Variants in SYT13 observed in about 807,000 individuals in gnomAD.
SYT13 encodes synaptotagmin-13.
In SYT13, 21 loss-of-function variants were observed where a neutral mutation model predicts 38.6. That is an observed-to-expected ratio of 0.54 (90% CI 0.39 to 0.78). SYT13 has a LOEUF of 0.78. Among genes scored for constraint, SYT13 ranks in the 30% least tolerant of loss-of-function variants. SYT13 has a pLI of 0.00. For missense variants in SYT13, 495 were observed against 548.7 expected (o/e 0.90, Z 0.98); for synonymous variants, 241 against 237.6 (o/e 1.01, Z -0.13).
chr11:45,254,323 T>A lies in SYT13; in HGVS notation c.491A>T (p.Tyr164Phe), dbSNP rs1698064842. The A allele has an allele frequency of 6.2e-7, 1 of 1,613,674 alleles. No individual in the cohort carries two copies. The highest frequency in any genetic ancestry group is 1.3e-5 in the African/African-American group (1 of 74,902). Reference protein sequence around the residue: ...ASWNQAPKLHYCLDYDCQKAE... With the variant: ...ASWNQAPKLHFCLDYDCQKAE... ...CTTCTGACAGTCATAGTCCAGGCAG[T>A]AGTGGAGTTTGGGGGCCTGGTTCCA... The change falls in exon 3 of 6, where the codon TAC becomes TTC. Residue 164 changes from tyrosine to phenylalanine, a missense_variant. By Grantham distance (22) the Tyr-to-Phe change is conservative (BLOSUM62 3). Transcript: ENST00000020926.
intron 1 of SYT13, among the ~76,000 whole-genome samples, chr11:45,278,887 T>C (rs1307025802): frequency 1.3e-5 from 2 of 152,226 alleles, no homozygotes; most frequent in East Asian, 3.9e-4. Flanking sequence ...ATTCATACTG[T>C]CTTCCACGTT....
chr11:45,259,489 G>T (rs1186412442), intron 1 of SYT13, among the ~76,000 whole-genome samples: 1 of 152,056 alleles, frequency 6.6e-6, no homozygotes, highest in African/African-American at 2.4e-5. Flanking sequence ...CTCCTCAGTG[G>T]ATCTCAATTT....
intron 1 of SYT13, among the ~76,000 whole-genome samples, chr11:45,265,492 C>T (rs1854870900): frequency 6.6e-6 from 1 of 152,194 alleles, no homozygotes; most frequent in African/African-American, 2.4e-5. Context: ...AACTGGGTAG[C>T]TTCGACAACA....
In SYT13 at chr11:45,286,262, C is replaced by T. The variant is rs113612766; in HGVS notation, c.-55G>A. ...CCGCAGCCGCTCACCTTCCCCGGGC[C>T]GGGCCCGCCTCCAGGCAGCTCCCGG... On this transcript the variant is annotated 5_prime_UTR_variant, in exon 1 of 6. Transcript: ENST00000020926. The T allele has an allele frequency of 6.1e-6, 9 of 1,470,324 alleles. No homozygotes were observed. The highest frequency in any genetic ancestry group is 4.4e-5 in the Admixed American group (2 of 45,092). The allele number at this position is 1,470,324 out of a possible 1,614,324, so 91.1% of individuals were successfully genotyped here. A position where few individuals can be genotyped will look rare whatever the true frequency, so the allele number is the denominator to read the frequency against.
At position 45,252,217 on chromosome 11, in the gene SYT13, G is replaced by A. The variant is rs1854684859; in HGVS notation, c.846+204C>T. On this transcript the variant is annotated intron_variant, in intron 4 of 5. Transcript: ENST00000020926. The surrounding 1 kb of genome is among the most constrained non-coding windows in gnomAD (Gnocchi z 4.3). ...TGGCAAGTTAGAGCCAAGACTAGGA[G>A]CAGACACTAGGAATCCCAGATCCTG... 6.6e-6 allele frequency among the ~76,000 whole-genome samples: 1 copy of A among 152,186 alleles called. No individual in the cohort carries two copies. The highest frequency in any genetic ancestry group is 1.5e-5 in the Non-Finnish European group (1 of 68,042).
chr11:45,251,304 G>A (rs979436680), intron 4 of SYT13, among the ~76,000 whole-genome samples: 1 of 142,834 alleles, frequency 7.0e-6, no homozygotes, highest in Non-Finnish European at 1.5e-5. Flanking sequence ...CACGAGAATC[G>A]CTTGAACCCA....
intron 4 of SYT13, among the ~76,000 whole-genome samples, chr11:45,246,889 G>A (rs1854620497): frequency 1.3e-5 from 2 of 152,172 alleles, no homozygotes; most frequent in Non-Finnish European, 2.9e-5. Context: ...CTGTCCTCTA[G>A]GGCCTCAGAG....
intron 2 of SYT13, among the ~76,000 whole-genome samples, chr11:45,254,869 T>C (rs957717587): frequency 4.3e-4 from 65 of 152,010 alleles, no homozygotes; most frequent in Non-Finnish European, 9.0e-4. Context: ...ACCCCAGCAC[T>C]TCGAGAGGCC....
intron 1 of SYT13, among the ~76,000 whole-genome samples, chr11:45,282,192 T>C (rs1319444169): frequency 1.3e-5 from 2 of 152,198 alleles, no homozygotes; most frequent in African/African-American, 4.8e-5. Flanking sequence ...TGCCTAATAA[T>C]CAAGCTTCTA....
In SYT13 at chr11:45,247,696, C is replaced by T. The variant is rs116839800; in HGVS notation, c.847-1184G>A. Among the ~76,000 whole-genome samples, 1,210 of 152,288 alleles carry T rather than the reference C, an allele frequency of 7.9e-3. 20 individuals are homozygous for T. Among genetic ancestry groups the T allele is most frequent in the African/African-American group, 0.027 (1,140 of 41,552 alleles). Reference sequence around the variant, plus strand: ...AAGGGTTGAAATCGGTTTTTCTTTGCTCACTGTGGCCTCTAGTGGATTCAT... The same window carrying T: ...AAGGGTTGAAATCGGTTTTTCTTTGTTCACTGTGGCCTCTAGTGGATTCAT... On this transcript the variant is annotated intron_variant, in intron 4 of 5. Transcript: ENST00000020926.
chr11:45,249,667 C>A (rs1024867066), intron 4 of SYT13, among the ~76,000 whole-genome samples: 1 of 152,118 alleles, frequency 6.6e-6, no homozygotes, highest in African/African-American at 2.4e-5. Flanking sequence ...CCAAACACCA[C>A]ATGTTCTCAC....
chr11:45,270,908 G>T (rs1227436098), intron 1 of SYT13, among the ~76,000 whole-genome samples: 1 of 152,154 alleles, frequency 6.6e-6, no homozygotes, highest in Non-Finnish European at 1.5e-5. Flanking sequence ...AAGTCAAACC[G>T]CTCCACATTA....
Position 45,246,461 on chromosome 11 carries a change from C to T in SYT13, c.898G>A (p.Ala300Thr), listed in dbSNP as rs746055509. The change falls in exon 5 of 6, where the codon GCT becomes ACT. Residue 300 changes from alanine (A) to threonine (T), a missense_variant. Transcript: ENST00000020926. Reference protein sequence around the residue: ...EVLLSISYLPAANRLLVVLIK... With the variant: ...EVLLSISYLPTANRLLVVLIK... ...AGCACCACCAGGAGGCGGTTGGCAGCCGGGAGGTAGCTGATGGATAGTAGG... is the reference window on the plus strand; with the variant it reads ...AGCACCACCAGGAGGCGGTTGGCAGTCGGGAGGTAGCTGATGGATAGTAGG... 1 of 1,614,112 alleles carries T rather than the reference C, an allele frequency of 6.2e-7. No homozygotes were observed. The highest frequency in any genetic ancestry group is 1.1e-5 in the South Asian group (1 of 91,082).
At chr11:45,246,013 G>A (rs974168736) in intron 5 of SYT13, among the ~76,000 whole-genome samples, 3 of 152,190 alleles carry the variant, frequency 2.0e-5, no homozygotes, top group Non-Finnish European at 4.4e-5. Flanking sequence ...GCTGGGCCAA[G>A]TTTTCCCGAC....
In SYT13 at chr11:45,286,017, C is replaced by G; in HGVS notation, c.183+8G>C. 4 of 1,604,236 alleles carry G rather than the reference C, an allele frequency of 2.5e-6. No homozygotes were observed. Among genetic ancestry groups the G allele is most frequent in the Non-Finnish European group, 3.4e-6 (4 of 1,178,986 alleles). ...CCCGGGAAGGGCCTGCGCGCCGCCC[C>G]CGCTCACCTGTTGTGCAGACCCGAG... On this transcript the variant is annotated splice_region_variant and intron_variant, in intron 1 of 5. Transcript: ENST00000020926.
rs146329057 is a variant in SYT13 at position 45,252,502 on chromosome 11, G to A, written c.765C>T (p.Ala255=). Residue 255 remains alanine (A), a synonymous_variant, in exon 4 of 6, where the codon GCC becomes GCT. Coordinates refer to ENST00000020926, the MANE Select transcript of SYT13 (RefSeq NM_020826.3). The surrounding 1 kb of genome is among the most constrained non-coding windows in gnomAD (Gnocchi z 4.3). Reference sequence around the variant, plus strand: ...CGTCCAGGCCCAGGCGGAGCTCCCCGGCCACGCTGTGACGGGAGAAGCGGT... The same window carrying A: ...CGTCCAGGCCCAGGCGGAGCTCCCCAGCCACGCTGTGACGGGAGAAGCGGT... ...TCDRFSRHSV[A]GELRLGLDGT... The A allele has an allele frequency of 5.5e-5, 89 of 1,613,732 alleles. No individual in the cohort carries two copies. Among genetic ancestry groups the A allele is most frequent in the Non-Finnish European group, 6.9e-5 (82 of 1,179,930 alleles).
chr11:45,280,918 T>C (rs902555736), intron 1 of SYT13, among the ~76,000 whole-genome samples: 4 of 152,222 alleles, frequency 2.6e-5, no homozygotes, highest in African/African-American at 9.6e-5. Flanking sequence ...ATTCAGGCCA[T>C]GAGGGCTGGC....
Position 45,252,361 on chromosome 11 carries a change from G to A in SYT13, c.846+60C>T. 1 of 1,495,248 alleles carries A rather than the reference G, an allele frequency of 6.7e-7. No individual in the cohort carries two copies. Among genetic ancestry groups the A allele is most frequent in the Non-Finnish European group, 8.9e-7 (1 of 1,122,500 alleles). 92.6% of individuals were successfully genotyped at this position (1,495,248 alleles called of 1,614,324 possible). On this transcript the variant is annotated intron_variant, in intron 4 of 5. Coordinates refer to ENST00000020926, the MANE Select transcript of SYT13 (RefSeq NM_020826.3). This position sits in a 1 kb window ranked among gnomAD's most constrained non-coding sequence, Gnocchi z 4.3. ...GACTGAGTTGCTGGGAGGACACCAG[G>A]TTCTGCCATCCCATGCTGCACGGGC...
At chr11:45,285,942 C>T in intron 1 of SYT13, 83 bp downstream of exon 1, 1 of 1,533,482 alleles carries the variant, frequency 6.5e-7, no homozygotes, top group East Asian at 2.4e-5. Context: ...GATCCACGAC[C>T]GCCTCCCACC....
Sources: gnomAD v4.1 joint callset for allele counts (sites outside exome capture counted in the v4.1 genomes callset) on GRCh38, gnomAD v4.1.1 for gene constraint, Gnocchi (gnomAD v3.1) non-coding constraint, MANE v1.5 for transcripts, NCBI Gene and HGNC (gene_info 2026-07-23, HGNC 2026-07-21) for gene names.